Variants in LAMC3 observed in about 807,000 individuals in gnomAD.
The protein encoded by LAMC3 is laminin subunit gamma 3, also known as laminin subunit gamma-3.
A neutral mutation model predicts 173.8 loss-of-function variants in LAMC3; 128 were observed. The observed-to-expected ratio is 0.74, with a 90% CI of 0.64 to 0.85. LAMC3 has a LOEUF of 0.85. LAMC3 is among the 40% of genes least tolerant of loss of function. The pLI is 0.00. For missense variants in LAMC3, 2,022 were observed against 2,156.0 expected, an observed-to-expected ratio of 0.94 and a Z score of 1.23; for synonymous variants, 897 against 909.1, an observed-to-expected ratio of 0.99 and a Z score of 0.24.
chr9:131,040,768 G>C (rs918074299), intron 6 of LAMC3, among the ~76,000 whole-genome samples: 10 of 152,008 alleles, frequency 6.6e-5, no homozygotes, highest in South Asian at 2.1e-4. Flanking sequence ...CCCCGCTCTC[G>C]GGACACCTTC....
chr9:131,044,239 C>T (rs1039442866), intron 7 of LAMC3, among the ~76,000 whole-genome samples: 3 of 151,174 alleles, frequency 2.0e-5, no homozygotes, highest in East Asian at 2.0e-4. Context: ...CGGCCAGGCG[C>T]GGTGGCTCAT....
chr9:131,045,147 G>A (rs1229452170), intron 7 of LAMC3, among the ~76,000 whole-genome samples: 1 of 151,608 alleles, frequency 6.6e-6, no homozygotes, highest in African/African-American at 2.4e-5. Context: ...ACTTGAACCC[G>A]GGAGGCGGAG....
Position 131,052,663 on chromosome 9 carries a change from G to A in LAMC3, c.1803G>A (p.Arg601=). 2 of 1,613,762 alleles carry A rather than the reference G, an allele frequency of 1.2e-6. No homozygotes were observed. Among genetic ancestry groups the A allele is most frequent in the Non-Finnish European group, 1.7e-6 (2 of 1,179,904 alleles). Residue 601 remains arginine, a synonymous_variant, in exon 10 of 28, where the codon AGG becomes AGA. Coordinates refer to ENST00000361069, the MANE Select transcript of LAMC3 (RefSeq NM_006059.4). ...GCCCCCAGGATGCCGGGCATCCCAG[G>A]GAGGTAGAGCTCAGGTTCCAGTAAG... ...LSGPQDAGHP[R]EVELRFHLQE... is the part of the protein sequence containing the mutation.
chr9:131,067,730 A>G (rs937590042), intron 14 of LAMC3, among the ~76,000 whole-genome samples: 3 of 152,118 alleles, frequency 2.0e-5, no homozygotes, highest in Non-Finnish European at 4.4e-5. Context: ...CTCCCCTGGC[A>G]GTGGCCAGGA....
intron 1 of LAMC3, among the ~76,000 whole-genome samples, chr9:131,015,261 G>T (rs1564361934): frequency 6.6e-6 from 1 of 152,156 alleles, no homozygotes; most frequent in Admixed American, 6.5e-5. Flanking sequence ...ATTCATGGAT[G>T]AAGGGCCCCC....
At chr9:131,027,783 C>T (rs898462454) in intron 2 of LAMC3, among the ~76,000 whole-genome samples, 7 of 152,236 alleles carry the variant, frequency 4.6e-5, no homozygotes, top group African/African-American at 1.7e-4. Flanking sequence ...GGGAGATACG[C>T]GCGCATGACA....
At chr9:131,064,760 G>A (rs1829895903) in intron 13 of LAMC3, among the ~76,000 whole-genome samples, 1 of 152,062 alleles carries the variant, frequency 6.6e-6, no homozygotes. Context: ...GAGCAGCCGG[G>A]CGTGGTGGCT....
Position 131,009,874 on chromosome 9 carries a change from C to A in LAMC3, c.373+287C>A, listed in dbSNP as rs1246570345. Among the ~76,000 whole-genome samples, 2 of 151,574 alleles carry A rather than the reference C, an allele frequency of 1.3e-5. No individual in the cohort carries two copies. The highest frequency in any genetic ancestry group is 2.9e-5 in the Non-Finnish European group (2 of 67,894). On this transcript the variant is annotated intron_variant, in intron 1 of 27. Coordinates refer to ENST00000361069, the MANE Select transcript of LAMC3 (RefSeq NM_006059.4). The surrounding 1 kb of genome is among the most constrained non-coding windows in gnomAD (Gnocchi z 4.3). ...TTTACAAAAAATAAAGAAAAATAGG[C>A]CGGGCGCGGTGGCTGACGTCTGTAA...
chr9:131,084,758 G>A (rs920881946), intron 24 of LAMC3, among the ~76,000 whole-genome samples: 8 of 151,734 alleles, frequency 5.3e-5, no homozygotes, highest in Admixed American at 3.9e-4. Flanking sequence ...TACCAGCCGT[G>A]TATGGTGGTG....
intron 8 of LAMC3, among the ~76,000 whole-genome samples, chr9:131,046,893 A>C (rs1049682979): frequency 6.6e-6 from 1 of 152,056 alleles, no homozygotes; most frequent in Non-Finnish European, 1.5e-5. Flanking sequence ...GGCCCCAGAC[A>C]TGAGGGCCGC....
At chr9:131,067,335 C>T in intron 14 of LAMC3, 130 bp downstream of exon 14, 3 of 1,169,584 alleles carry the variant, frequency 2.6e-6, no homozygotes, top group Non-Finnish European at 3.7e-6. Flanking sequence ...GGCTGTCCAG[C>T]CTCAGGCAGG....
chr9:131,072,590 T>C, intron 18 of LAMC3, 40 bp from the exon 19 acceptor site: 1 of 1,556,032 alleles, frequency 6.4e-7, no homozygotes, highest in Non-Finnish European at 8.8e-7. Context: ...GTGTGACATC[T>C]CCACCACTTT....
At chr9:131,048,180 C>T (rs1356750040) in intron 8 of LAMC3, among the ~76,000 whole-genome samples, 1 of 151,408 alleles carries the variant, frequency 6.6e-6, no homozygotes, top group Non-Finnish European at 1.5e-5. Context: ...CCTCAGCCTC[C>T]TGAGTAGCTC....
At chr9:131,032,544 CTT>C (rs1320101724) in intron 3 of LAMC3, among the ~76,000 whole-genome samples, 1 of 125,942 alleles carries the variant, frequency 7.9e-6, no homozygotes, top group African/African-American at 5.0e-5. Context: ...GTCTCTCTCT[CTT>C]GCTCTCTCTC....
At chr9:131,016,193 T>G (rs994605641) in intron 1 of LAMC3, among the ~76,000 whole-genome samples, 2 of 152,162 alleles carry the variant, frequency 1.3e-5, no homozygotes, top group Non-Finnish European at 2.9e-5. Context: ...AGAGGCACCC[T>G]GGGATAGTCA....
In LAMC3 at chr9:131,017,694, A is replaced by G. The variant is rs183673202; in HGVS notation, c.373+8107A>G. On this transcript the variant is annotated intron_variant, in intron 1 of 27. Transcript: ENST00000361069. ...AGCCGAGATCGGGCCATTGCACTGC[A>G]GCCTGGATGACAGCAAGACTGTCTC... Among the ~76,000 whole-genome samples the G allele has an allele frequency of 2.4e-3, 310 of 127,484 alleles. 1 individual carries two copies. The highest frequency in any genetic ancestry group is 8.3e-3 in the African/African-American group (278 of 33,330). 83.6% of individuals were successfully genotyped at this position (127,484 alleles called of 152,430 possible).
intron 12 of LAMC3, among the ~76,000 whole-genome samples, chr9:131,057,560 CAAG>C (rs890270651): frequency 4.6e-5 from 7 of 152,196 alleles, no homozygotes; most frequent in Non-Finnish European, 8.8e-5. Context: ...GGAGGGTTCT[CAAG>C]AAGGTCACAC....
At chr9:131,066,801 C>T (rs577045651) in intron 13 of LAMC3, among the ~76,000 whole-genome samples, 159 bp from the exon 14 acceptor site, 1 of 152,326 alleles carries the variant, frequency 6.6e-6, no homozygotes, top group African/African-American at 2.4e-5. Flanking sequence ...CAGGACCACA[C>T]AGCTGTGGGC....
chr9:131,048,764 A>G (rs780536665), intron 8 of LAMC3, among the ~76,000 whole-genome samples: 1 of 152,120 alleles, frequency 6.6e-6, no homozygotes, highest in African/African-American at 2.4e-5. Context: ...GTCTGGTACT[A>G]TTAGAGATGG....
Sources: allele counts gnomAD v4.1 joint callset (sites outside exome capture counted in the v4.1 genomes callset), GRCh38; gene constraint gnomAD v4.1.1; non-coding constraint Gnocchi (gnomAD v3.1); transcripts MANE v1.5; gene names NCBI Gene and HGNC (gene_info 2026-07-23, HGNC 2026-07-21).